OGDH: variants seen among roughly 807,000 people sequenced by gnomAD.
The protein encoded by OGDH is 2-oxoglutarate dehydrogenase complex component E1.
OGDH carries 38 observed loss-of-function variants against 116.6 expected under a neutral mutation model. The observed-to-expected ratio is 0.33, with a 90% confidence interval of 0.25 to 0.43. OGDH has a LOEUF of 0.43. OGDH is among the 20% of genes least tolerant of loss of function. OGDH has a pLI of 1.00. For synonymous variants in OGDH, 488 were observed against 533.3 expected (o/e 0.92, Z 1.17); for missense variants, 825 against 1,357.2 (o/e 0.61, Z 6.16).
intron 2 of OGDH, among the ~76,000 whole-genome samples, chr7:44,644,539 A>G (rs1011842870): frequency 2.6e-5 from 4 of 152,230 alleles, no homozygotes; most frequent in African/African-American, 9.6e-5. Flanking sequence ...AAGAATGTAT[A>G]TATTTCTCTC....
chr7:44,622,163 G>A (rs1470596975), intron 1 of OGDH, among the ~76,000 whole-genome samples: 1 of 151,576 alleles, frequency 6.6e-6, no homozygotes, highest in African/African-American at 2.4e-5. Context: ...CCTTAATAAT[G>A]ACATTAAAGG....
chr7:44,702,435 G>A (rs1234116727), intron 20 of OGDH, among the ~76,000 whole-genome samples: 1 of 152,110 alleles, frequency 6.6e-6, no homozygotes, highest in African/African-American at 2.4e-5. Context: ...GTGGAGTGCA[G>A]GATGTTGACA....
chr7:44,698,206 C>T lies in OGDH; in HGVS notation c.2373C>T (p.Ser791=). 1.9e-6 allele frequency: 3 copies of T among 1,614,160 alleles called. No individual in the cohort carries two copies. The highest frequency in any genetic ancestry group is 2.5e-6 in the Non-Finnish European group (3 of 1,180,036). The change falls in exon 18 of 23, where the codon TCC becomes TCT. Residue 791 remains serine, a synonymous_variant. Coordinates refer to ENST00000222673, the MANE Select transcript of OGDH (RefSeq NM_002541.4). ...TGTGGTTCCAGGGTCCAGAACATTC[C>T]TCCGCCCGCCCAGAGCGGTTCTTGC... is the stretch of plus-strand genomic sequence containing the variant. ...HGMEGMGPEH[S]SARPERFLQM...
chr7:44,609,511 A>G (rs1274208645), intron 1 of OGDH, among the ~76,000 whole-genome samples: 1 of 68,254 alleles, frequency 1.5e-5, no homozygotes, highest in East Asian at 2.8e-4. Context: ...CCCTGTCTCA[A>G]AAAAAAAAAA....
intron 2 of OGDH, among the ~76,000 whole-genome samples, chr7:44,626,186 G>A (rs1785193841): frequency 1.3e-5 from 2 of 152,034 alleles, no homozygotes; most frequent in African/African-American, 4.8e-5. Flanking sequence ...TCCCTAGTCT[G>A]TAAACAAATT....
At chr7:44,617,881 C>G (rs2117257787) in intron 1 of OGDH, among the ~76,000 whole-genome samples, 1 of 152,236 alleles carries the variant, frequency 6.6e-6, no homozygotes, top group Non-Finnish European at 1.5e-5. Context: ...TTAATCACCC[C>G]CCTACCTAGC....
chr7:44,700,880 ACAGCGGGCACTTGCAGTCC>A (rs938414847), intron 19 of OGDH, among the ~76,000 whole-genome samples: 9 of 152,136 alleles, frequency 5.9e-5, no homozygotes, highest in Non-Finnish European at 1.3e-4. Context: ...GCCGGGCATG[ACAGCGGGCACTTGCAGTCC>A]CAGCTACTTA....
At chr7:44,627,980 T>C (rs1355227291) in intron 2 of OGDH, among the ~76,000 whole-genome samples, 1 of 152,132 alleles carries the variant, frequency 6.6e-6, no homozygotes, top group Non-Finnish European at 1.5e-5. Context: ...CCCAGCCCCA[T>C]TGTTATTTTT....
chr7:44,656,247 C>G, intron 4 of OGDH: 1 of 1,486,598 alleles, frequency 6.7e-7, no homozygotes, highest in Non-Finnish European at 9.1e-7. Flanking sequence ...GTGTTTGGGT[C>G]TTTTTTAAAC....
chr7:44,668,360 T>C (rs1362614879), intron 5 of OGDH, among the ~76,000 whole-genome samples: 2 of 152,140 alleles, frequency 1.3e-5, no homozygotes, highest in Non-Finnish European at 2.9e-5. Context: ...TGCTTGAACC[T>C]GGGAGCGGGA....
chr7:44,645,918 AATACT>A (rs1262171475), intron 3 of OGDH, among the ~76,000 whole-genome samples: 1 of 152,144 alleles, frequency 6.6e-6, no homozygotes, highest in Non-Finnish European at 1.5e-5. Flanking sequence ...CTAACAACTG[AATACT>A]ATAAGAGAAG....
intron 9 of OGDH, among the ~76,000 whole-genome samples, chr7:44,678,601 T>C (rs1787798336): frequency 6.6e-6 from 1 of 152,186 alleles, no homozygotes; most frequent in African/African-American, 2.4e-5. Context: ...TGTTTTCCAG[T>C]CTACACAAAC....
rs1382314307 is a variant in OGDH at position 44,624,572 on chromosome 7, C to T, written c.222+7C>T. On this transcript the variant is annotated splice_region_variant and intron_variant, in intron 2 of 22. Coordinates refer to ENST00000222673, the MANE Select transcript of OGDH (RefSeq NM_002541.4). Reference sequence around the variant, plus strand: ...CCCCAAAAGTGTACATAAGGTAAGGCTCGCAGGGCTGTGGGTCTGCCTCAT... The same window carrying T: ...CCCCAAAAGTGTACATAAGGTAAGGTTCGCAGGGCTGTGGGTCTGCCTCAT... The T allele has an allele frequency of 1.2e-6, 2 of 1,611,004 alleles. No homozygotes were observed. Among genetic ancestry groups the T allele is most frequent in the East Asian group, 4.5e-5 (2 of 44,884 alleles).
intron 1 of OGDH, among the ~76,000 whole-genome samples, 152 bp from the exon 2 acceptor site, chr7:44,624,153 CAACAATTAGAGT>C (rs1785107275): frequency 1.3e-5 from 2 of 151,636 alleles, no homozygotes; most frequent in African/African-American, 4.8e-5. Context: ...TCTTTCTCCT[CAACAATTAGAGT>C]TGAACATGTT....
intron 1 of OGDH, among the ~76,000 whole-genome samples, chr7:44,616,765 ACACG>A (rs1363520220): frequency 2.1e-5 from 3 of 145,714 alleles, no homozygotes; most frequent in African/African-American, 5.0e-5. Flanking sequence ...GTATATATAT[ACACG>A]TATATGTGTA....
At chr7:44,665,892 A>G (rs1787163750) in intron 4 of OGDH, among the ~76,000 whole-genome samples, 1 of 152,244 alleles carries the variant, frequency 6.6e-6, no homozygotes, top group Non-Finnish European at 1.5e-5. Context: ...AAACAAGCAT[A>G]TAATGCCACA....
rs1335513243 is a variant in OGDH, at chr7:44,698,188, C to G, written c.2359-4C>G. The G allele has an allele frequency of 6.2e-7, 1 of 1,614,160 alleles. No individual in the cohort carries two copies. The highest frequency in any genetic ancestry group is 1.1e-5 in the South Asian group (1 of 91,074). On this transcript the variant is annotated splice_region_variant and splice_polypyrimidine_tract_variant and intron_variant, in intron 17 of 22. Coordinates refer to ENST00000222673, the MANE Select transcript of OGDH (RefSeq NM_002541.4). ...TAAACTGTAACTTGCGTGTGTGGTT[C>G]CAGGGTCCAGAACATTCCTCCGCCC...
At chr7:44,706,423 G>C (rs1229701083) in intron 20 of OGDH, among the ~76,000 whole-genome samples, 34 of 150,840 alleles carry the variant, frequency 2.3e-4, no homozygotes, top group Non-Finnish European at 4.3e-4. Flanking sequence ...CCGGGTTCAA[G>C]CAATTCTCCT....
chr7:44,623,194 C>T (rs1032187278), intron 1 of OGDH, among the ~76,000 whole-genome samples: 1 of 152,122 alleles, frequency 6.6e-6, no homozygotes, highest in African/African-American at 2.4e-5. Context: ...TGGCTCTTCC[C>T]GTCTCTGTGT....
Sources: allele counts gnomAD v4.1 joint callset (sites outside exome capture counted in the v4.1 genomes callset), GRCh38; gene constraint gnomAD v4.1.1; transcripts MANE v1.5; gene names NCBI Gene and HGNC (gene_info 2026-07-23, HGNC 2026-07-21).